The following SLC24A2 variants were observed in gnomAD, a reference collection of about 807,000 sequenced individuals.
SLC24A2 encodes sodium/potassium/calcium exchanger 2.
A neutral mutation model predicts 62.0 loss-of-function variants in SLC24A2; 36 were observed. That is an observed-to-expected ratio of 0.58 (90% CI 0.44 to 0.77). The LOEUF (loss-of-function observed/expected upper bound fraction) is 0.77, where lower values mean the gene tolerates loss of function less well. Ranked by LOEUF, SLC24A2 falls within the 30% of genes least tolerant of loss-of-function variation. The probability of loss-of-function intolerance (pLI) is 0.00; values close to 1 mark genes in which losing one functional copy is unlikely to be tolerated. For synonymous variants in SLC24A2, 358 were observed against 294.0 expected (o/e 1.22, Z -2.23); for missense variants, 846 against 817.9 (o/e 1.03, Z -0.42).
the SLC24A2 span, among the ~76,000 whole-genome samples, chr9:19,847,912 G>A: frequency 1.3e-5 from 2 of 152,196 alleles, no homozygotes; most frequent in Admixed American, 6.5e-5. Flanking sequence ...TTTTATGTTT[G>A]GATAGACAAG....
In SLC24A2 at chr9:19,608,780, A is replaced by T. The variant is rs564856837; in HGVS notation, c.1078+10804T>A. On this transcript the variant is annotated intron_variant, in intron 4 of 10. Transcript: ENST00000341998. ...TGAAATCTCTCTCTCTCTCTCTCTC[A>T]CACACACACACATACACACACACAC... 5.4e-3 allele frequency among the ~76,000 whole-genome samples: 813 copies of T among 150,260 alleles called. 5 individuals are homozygous for T. The highest frequency in any genetic ancestry group is 6.6e-3 in the Non-Finnish European group (445 of 67,630).
intron 7 of SLC24A2, among the ~76,000 whole-genome samples, chr9:19,559,433 T>C (rs746640354): frequency 6.6e-6 from 1 of 152,226 alleles, no homozygotes; most frequent in South Asian, 2.1e-4. Context: ...AAGGAGAAAA[T>C]ACGATTTTAT....
At chr9:19,539,357 C>T (rs1341342191) in intron 8 of SLC24A2, among the ~76,000 whole-genome samples, 2 of 148,766 alleles carry the variant, frequency 1.3e-5, no homozygotes, top group Non-Finnish European at 3.0e-5. Flanking sequence ...TATAAATTTC[C>T]CTCTACACAC....
chr9:20,248,287 C>G, the SLC24A2 span, among the ~76,000 whole-genome samples: 3 of 152,328 alleles, frequency 2.0e-5, no homozygotes, highest in East Asian at 5.8e-4. Context: ...TGCCTTGGCT[C>G]AAGGCCCTAA....
chr9:19,930,588 A>G, the SLC24A2 span, among the ~76,000 whole-genome samples: 1 of 152,302 alleles, frequency 6.6e-6, no homozygotes, highest in South Asian at 2.1e-4. Flanking sequence ...GAAGTTTTCA[A>G]TCTTTCTTAG....
intron 2 of SLC24A2, among the ~76,000 whole-genome samples, chr9:19,729,111 T>C (rs1485240686): frequency 1.3e-5 from 2 of 152,110 alleles, no homozygotes; most frequent in East Asian, 3.9e-4. Context: ...TAAGATATAC[T>C]AATGGCCAGC....
chr9:19,944,699 T>G, the SLC24A2 span, among the ~76,000 whole-genome samples: 1 of 152,180 alleles, frequency 6.6e-6, no homozygotes, highest in Non-Finnish European at 1.5e-5. Context: ...TATTAAACCA[T>G]GAGGCATGAT....
chr9:19,792,227 A>G (rs532318690), upstream of SLC24A2, among the ~76,000 whole-genome samples: 1 of 152,342 alleles, frequency 6.6e-6, no homozygotes, highest in South Asian at 2.1e-4. Flanking sequence ...CAATTCCACC[A>G]TTAGAAATTC....
chr9:19,780,742 A>G (rs1822991103), intron 2 of SLC24A2, among the ~76,000 whole-genome samples: 2 of 151,628 alleles, frequency 1.3e-5, no homozygotes, highest in Admixed American at 6.6e-5. Flanking sequence ...GCGCGGTGGC[A>G]GGCACCTGTA....
the SLC24A2 span, among the ~76,000 whole-genome samples, chr9:20,175,502 T>C: frequency 6.6e-6 from 1 of 152,084 alleles, no homozygotes; most frequent in Non-Finnish European, 1.5e-5. Context: ...ATGATAAATA[T>C]TATGCTATGT....
intron 5 of SLC24A2, among the ~76,000 whole-genome samples, chr9:19,585,208 C>T (rs548578325): frequency 1.3e-5 from 2 of 152,250 alleles, no homozygotes; most frequent in South Asian, 2.1e-4. Context: ...GAAAGTAACA[C>T]CTGTCTTGTC....
In SLC24A2 at chr9:19,599,477, C is replaced by G. The variant is rs1836788299; in HGVS notation, c.1079-2198G>C. Among the ~76,000 whole-genome samples the G allele has an allele frequency of 6.6e-6, 1 of 152,090 alleles. No homozygotes were observed. Among genetic ancestry groups the G allele is most frequent in the Non-Finnish European group, 1.5e-5 (1 of 68,028 alleles). ...AAGCAGTGGAAGGGAATGGTATCTG[C>G]CCAAACAAAGAGAACCATGTTTACA... On this transcript the variant is annotated intron_variant, in intron 4 of 10. Coordinates refer to ENST00000341998, the MANE Select transcript of SLC24A2 (RefSeq NM_020344.4). This position sits in a 1 kb window ranked among gnomAD's most constrained non-coding sequence, Gnocchi z 4.5.
At chr9:19,961,025 T>G in the SLC24A2 span, among the ~76,000 whole-genome samples, 14 of 135,800 alleles carry the variant, frequency 1.0e-4, no homozygotes, top group East Asian at 2.0e-4. Context: ...GAGGGGTGGG[T>G]GTGTGTGTGT....
the SLC24A2 span, among the ~76,000 whole-genome samples, chr9:19,966,885 A>G: frequency 6.6e-6 from 1 of 152,192 alleles, no homozygotes; most frequent in Non-Finnish European, 1.5e-5. Context: ...AACAGAGATG[A>G]CTACAAATAA....
chr9:20,007,914 T>G, the SLC24A2 span, among the ~76,000 whole-genome samples: 3 of 111,894 alleles, frequency 2.7e-5, no homozygotes, highest in Admixed American at 3.7e-4. Flanking sequence ...TTTTTTTTTT[T>G]TGACAGAGCC....
At chr9:20,291,840 T>G in the SLC24A2 span, among the ~76,000 whole-genome samples, 5 of 152,088 alleles carry the variant, frequency 3.3e-5, no homozygotes, top group East Asian at 9.7e-4. Context: ...CAAAGCAACA[T>G]GATCAGAATG....
chr9:19,786,985 T>C lies in SLC24A2; in HGVS notation c.-119A>G, dbSNP rs1323218044. 1.4e-6 allele frequency: 2 copies of C among 1,462,212 alleles called. No individual in the cohort carries two copies. Among genetic ancestry groups the C allele is most frequent in the East Asian group, 2.3e-5 (1 of 43,258 alleles). 90.6% of individuals were successfully genotyped at this position (1,462,212 alleles called of 1,614,324 possible). A position where few individuals can be genotyped will look rare whatever the true frequency, so the allele number is the denominator to read the frequency against. ...TGTGGGGTACTTTCACAATCAGGGA[T>C]TGTTATGCTTCACAGGAAACTTTCA... On this transcript the variant is annotated 5_prime_UTR_variant, in exon 2 of 11. Transcript: ENST00000341998. The surrounding 1 kb of genome is among the most constrained non-coding windows in gnomAD (Gnocchi z 5.0).
the SLC24A2 span, among the ~76,000 whole-genome samples, chr9:20,043,050 C>T: frequency 5.3e-5 from 8 of 152,214 alleles, no homozygotes; most frequent in African/African-American, 1.9e-4. Flanking sequence ...CTACAATGGC[C>T]TGTAGGTGTT....
In SLC24A2 at chr9:19,788,837, C is replaced by A. The variant is rs940347286; in HGVS notation, c.-154+48G>T. 12 of 985,434 alleles carry A rather than the reference C, an allele frequency of 1.2e-5. No individual in the cohort carries two copies. The African/African-American group carries it at 1.2e-4, about 10-fold the overall frequency. The allele number at this position is 985,434 out of a possible 1,614,324, so 61.0% of individuals were successfully genotyped here. A position where few individuals can be genotyped will look rare whatever the true frequency, so the allele number is the denominator to read the frequency against. On this transcript the variant is annotated intron_variant, in intron 1 of 10. Transcript: ENST00000341998. The stretch of plus-strand genomic sequence containing the variant: ...CGCGCAACCGGGATGCGGGGACGAC[C>A]GCCACAGCGGCTACAGCGGCAGGCG...
Sources: gnomAD v4.1 joint callset for allele counts (sites outside exome capture counted in the v4.1 genomes callset) on GRCh38, gnomAD v4.1.1 for gene constraint, Gnocchi (gnomAD v3.1) non-coding constraint, MANE v1.5 for transcripts, NCBI Gene and HGNC (gene_info 2026-07-23, HGNC 2026-07-21) for gene names.